The following GAREM2 variants were observed in gnomAD, a reference collection of about 807,000 sequenced individuals.
The protein encoded by GAREM2 is GRB2-associated and regulator of MAPK protein 2.
In GAREM2, 30 loss-of-function variants were observed where a neutral mutation model predicts 55.6. The observed-to-expected ratio is 0.54, with a 90% confidence interval of 0.40 to 0.73. The LOEUF (loss-of-function observed/expected upper bound fraction) is 0.73, where lower values mean the gene tolerates loss of function less well. GAREM2 is among the 30% of genes least tolerant of loss of function. GAREM2 has a pLI of 0.00. For synonymous variants in GAREM2, 550 were observed against 569.1 expected (o/e 0.97, Z 0.48); for missense variants, 1,075 against 1,257.7 (o/e 0.85, Z 2.20).
chr2:26,200,316 G>T, the GAREM2 span, among the ~76,000 whole-genome samples: 1 of 151,854 alleles, frequency 6.6e-6, no homozygotes, highest in Non-Finnish European at 1.5e-5. Flanking sequence ...TTAGGCCTTG[G>T]TCCTACCTCA....
At chr2:26,190,915 C>T, downstream of GAREM2, 1 of 453,134 alleles carries the variant, frequency 2.2e-6, no homozygotes, top group Non-Finnish European at 4.1e-6. Context: ...TGGCTGGGTG[C>T]AGAACTGCCC....
chr2:26,202,229 A>G, the GAREM2 span, among the ~76,000 whole-genome samples: 3 of 152,044 alleles, frequency 2.0e-5, no homozygotes, highest in East Asian at 1.9e-4. Flanking sequence ...CTTTTTTCCC[A>G]TAGGGAGCAG....
In GAREM2 at chr2:26,179,780, AG is replaced by A. The variant is rs1431259270; in HGVS notation, c.254-3182del. Among the ~76,000 whole-genome samples the A allele has an allele frequency of 6.6e-6, 1 of 151,832 alleles. No homozygotes were observed. The highest frequency in any genetic ancestry group is 1.5e-5 in the Non-Finnish European group (1 of 67,944). ...GGCGCTGGGCTTCAGGCTGCCGCGG[AG>A]GGGGATGGTGCTGGATGCCATGGTT... On this transcript the variant is annotated intron_variant, in intron 2 of 5. Coordinates refer to ENST00000401533, the MANE Select transcript of GAREM2 (RefSeq NM_001168241.2). The surrounding 1 kb of genome is among the most constrained non-coding windows in gnomAD (Gnocchi z 4.7).
At chr2:26,195,344 T>C in the GAREM2 span, 1 of 930,212 alleles carries the variant, frequency 1.1e-6, no homozygotes, top group East Asian at 2.4e-5. Context: ...GATATAGGAA[T>C]ACTGCTTGAC....
chr2:26,194,585 G>A (rs746596563), downstream of GAREM2: 1 of 1,608,924 alleles, frequency 6.2e-7, no homozygotes, highest in Non-Finnish European at 8.5e-7. Context: ...GGATTCGGAT[G>A]ACTTCAGACA....
At chr2:26,198,067 G>T in the GAREM2 span, among the ~76,000 whole-genome samples, 51 of 152,296 alleles carry the variant, frequency 3.3e-4, no homozygotes, top group South Asian at 1.7e-3. Context: ...CAATAAAACA[G>T]CTTAGAACAA....
At chr2:26,185,320 C>T (rs1423231946) in intron 4 of GAREM2, 44 bp downstream of exon 4, 5 of 1,459,038 alleles carry the variant, frequency 3.4e-6, no homozygotes, top group Middle Eastern at 2.4e-4. Context: ...CCAGCCAGGG[C>T]CCAAAGCCCG....
the GAREM2 span, among the ~76,000 whole-genome samples, chr2:26,202,990 T>G: frequency 6.6e-6 from 1 of 152,222 alleles, no homozygotes; most frequent in Non-Finnish European, 1.5e-5. Flanking sequence ...CAGGACACTA[T>G]TCAAGAGAGA....
At chr2:26,203,953 G>T in the GAREM2 span, 1 of 1,076,492 alleles carries the variant, frequency 9.3e-7, no homozygotes, top group Non-Finnish European at 1.4e-6. Flanking sequence ...AAAGGAATCC[G>T]TGATGGCAAG....
chr2:26,198,637 A>C, the GAREM2 span, among the ~76,000 whole-genome samples: 31 of 142,682 alleles, frequency 2.2e-4, no homozygotes, highest in African/African-American at 7.5e-4. Flanking sequence ...TAATGCAATA[A>C]AAGTAAAGTA....
At chr2:26,177,719 G>A (rs891545766) in intron 2 of GAREM2, among the ~76,000 whole-genome samples, 1 of 151,998 alleles carries the variant, frequency 6.6e-6, no homozygotes. Context: ...CACTGCCTCC[G>A]AGGTTCAAGG....
intron 1 of GAREM2, among the ~76,000 whole-genome samples, chr2:26,173,625 T>C (rs1488377613): frequency 6.6e-6 from 1 of 151,076 alleles, no homozygotes; most frequent in Non-Finnish European, 1.5e-5. Context: ...TCCCGCCCCG[T>C]CGGTTGCCCC....
At chr2:26,177,053 G>A (rs540871418) in intron 2 of GAREM2, among the ~76,000 whole-genome samples, 104 of 152,106 alleles carry the variant, frequency 6.8e-4, no homozygotes, top group Non-Finnish European at 1.3e-3. Context: ...AGTTTTATAC[G>A]TGACGTTGAC....
At chr2:26,203,284 G>C in the GAREM2 span, among the ~76,000 whole-genome samples, 2 of 152,180 alleles carry the variant, frequency 1.3e-5, no homozygotes, top group Admixed American at 1.3e-4. Flanking sequence ...AAACAAAAAA[G>C]CTCACTCAGC....
the GAREM2 span, chr2:26,195,216 T>TAGTGC: frequency 5.6e-6 from 9 of 1,613,036 alleles, no homozygotes; most frequent in Non-Finnish European, 7.6e-6. Flanking sequence ...GGGAGAGAAG[T>TAGTGC]AGTGCATGCC....
intron 2 of GAREM2, chr2:26,180,612 CCTTTT>C (rs1011814802): frequency 1.2e-4 from 18 of 154,094 alleles, no homozygotes; most frequent in Non-Finnish European, 2.2e-4. Flanking sequence ...TCTGCCATCT[CCTTTT>C]CTTTTCTTTT....
downstream of GAREM2, among the ~76,000 whole-genome samples, chr2:26,190,274 A>C (rs905064697): frequency 4.6e-5 from 7 of 152,122 alleles, no homozygotes; most frequent in African/African-American, 1.7e-4. Flanking sequence ...TGGGACTGGA[A>C]TTACGATTCC....
chr2:26,184,608 G>A lies in GAREM2; in HGVS notation c.760G>A (p.Val254Met). 6.5e-7 allele frequency: 1 copy of A among 1,548,464 alleles called. No homozygotes were observed. ...ELQMQEGEHT[V>M]RAIIERVRLP... ...GCAGATGCAAGAGGGCGAGCACACG[G>A]TGCGCGCCATCATCGAGCGCGTGAG... The change falls in exon 4 of 6, where the codon GTG (valine) becomes ATG (methionine). Residue 254 changes from valine to methionine, a missense_variant. Val to Met is a conservative substitution (Grantham distance 21). Around this residue, in one of 6 missense-constraint regions of GAREM2, gnomAD observed 170 missense variants for 220.7 expected, o/e 0.77. Coordinates refer to ENST00000401533, the MANE Select transcript of GAREM2 (RefSeq NM_001168241.2).
At chr2:26,194,569 C>A, downstream of GAREM2, 2 of 1,594,188 alleles carry the variant, frequency 1.3e-6, no homozygotes. Context: ...GCAATACCAA[C>A]CTGGAGGATT....
Sources: gnomAD v4.1 joint callset for allele counts (sites outside exome capture counted in the v4.1 genomes callset) on GRCh38, gnomAD v4.1.1 for gene constraint, gnomAD v4.1.1 regional missense constraint, Gnocchi (gnomAD v3.1) non-coding constraint, MANE v1.5 for transcripts, NCBI Gene and HGNC (gene_info 2026-07-23, HGNC 2026-07-21) for gene names.